CRPPA: variants seen among roughly 807,000 people sequenced by gnomAD.
CRPPA encodes D-ribitol-5-phosphate cytidylyltransferase.
In CRPPA, 43 loss-of-function variants were observed where a neutral mutation model predicts 52.0. The ratio of observed to expected loss-of-function variants is 0.83; its 90% CI spans 0.65 to 1.07. The LOEUF is 1.07. Ranked by LOEUF, CRPPA falls within the 50% of genes least tolerant of loss-of-function variation. The probability of loss-of-function intolerance (pLI) is 0.00; values close to 1 mark genes in which losing one functional copy is unlikely to be tolerated. For missense variants in CRPPA, 629 were observed against 551.7 expected, an observed-to-expected ratio of 1.14 and a Z score of -1.40; for synonymous variants, 250 against 203.5, an observed-to-expected ratio of 1.23 and a Z score of -1.94.
At chr7:16,094,448 A>T (rs1781895975) in intron 9 of CRPPA, among the ~76,000 whole-genome samples, 1 of 152,112 alleles carries the variant, frequency 6.6e-6, no homozygotes, top group Non-Finnish European at 1.5e-5. Context: ...ATGCAAACCC[A>T]ATGTATCTTA....
chr7:16,095,399 AT>A lies in CRPPA; in HGVS notation c.1252-3601del, dbSNP rs5882557. Among the ~76,000 whole-genome samples the A allele has an allele frequency of 1.1e-4, 17 of 152,076 alleles. 1 individual carries two copies. In the South Asian group the frequency reaches 2.5e-3, roughly 22 times the overall value. On this transcript the variant is annotated intron_variant, in intron 9 of 9. Coordinates refer to ENST00000407010, the MANE Select transcript of CRPPA (RefSeq NM_001101426.4). ...TTTTTTCATCTAAAAATGGGATAAC[AT>A]TTTTTGTGGGAACTTAGATAAGACA...
Position 16,301,448 on chromosome 7 carries a change from G to A in CRPPA, c.808C>T (p.Leu270Phe), listed in dbSNP as rs200334999. 147 of 1,612,642 alleles carry A rather than the reference G, an allele frequency of 9.1e-5. No individual in the cohort carries two copies. In the African/African-American group the frequency reaches 1.7e-3, roughly 18 times the overall value. The change falls in exon 5 of 10, where the codon CTC becomes TTC. Residue 270 changes from leucine (L) to phenylalanine (F), a missense_variant. Transcript: ENST00000407010. ...DLWKVTYKRD[L>F]YAAESIIKER... ...TTAATAATCGATTCAGCCGCATAGA[G>A]ATCTCGTTTGTAGGTCACCTAAAGG...
intron 9 of CRPPA, among the ~76,000 whole-genome samples, chr7:16,154,391 G>A (rs1047192222): frequency 6.6e-6 from 1 of 151,910 alleles, no homozygotes; most frequent in Admixed American, 6.6e-5. Context: ...TCCCCTCTCT[G>A]TGTCCATGTG....
chr7:16,096,560 TA>T (rs556598917), intron 9 of CRPPA, among the ~76,000 whole-genome samples: 261 of 150,754 alleles, frequency 1.7e-3, no homozygotes, highest in Non-Finnish European at 3.0e-3. Context: ...TTGAAGATAG[TA>T]AAAAAAAAAT....
intron 5 of CRPPA, among the ~76,000 whole-genome samples, chr7:16,278,800 T>C (rs1433234807): frequency 1.3e-5 from 2 of 152,328 alleles, no homozygotes; most frequent in Admixed American, 6.5e-5. Context: ...GATGGTCCGA[T>C]TTAAAATTTA....
intron 3 of CRPPA, among the ~76,000 whole-genome samples, chr7:16,366,663 T>C (rs1224956162): frequency 6.6e-6 from 1 of 151,804 alleles, no homozygotes; most frequent in Non-Finnish European, 1.5e-5. Context: ...CCCAGCCAAG[T>C]CACCAGATCA....
At chr7:16,274,196 C>G (rs1481060332) in intron 6 of CRPPA, among the ~76,000 whole-genome samples, 1 of 152,064 alleles carries the variant, frequency 6.6e-6, no homozygotes, top group African/African-American at 2.4e-5. Context: ...ACTACAGATG[C>G]CCACCACCAC....
At chr7:16,127,243 G>A (rs1782598477) in intron 9 of CRPPA, among the ~76,000 whole-genome samples, 1 of 152,042 alleles carries the variant, frequency 6.6e-6, no homozygotes, top group Non-Finnish European at 1.5e-5. Flanking sequence ...GGAAAAGAGG[G>A]ATGAGAATCA....
At chr7:16,406,005 A>G in intron 2 of CRPPA, 56 bp downstream of exon 2, 2 of 1,492,042 alleles carry the variant, frequency 1.3e-6, no homozygotes, top group South Asian at 2.5e-5. Flanking sequence ...AATTCAGCAA[A>G]TGAACCACAC....
chr7:16,233,180 A>G (rs1782853817), intron 8 of CRPPA, among the ~76,000 whole-genome samples: 1 of 152,138 alleles, frequency 6.6e-6, no homozygotes, highest in Non-Finnish European at 1.5e-5. Flanking sequence ...AATTAAACAG[A>G]CCACCAGTGA....
At chr7:16,182,732 A>G (rs1781435427) in intron 9 of CRPPA, among the ~76,000 whole-genome samples, 1 of 152,148 alleles carries the variant, frequency 6.6e-6, no homozygotes. Flanking sequence ...CCCCACAGCA[A>G]TTTTAACCAA....
intron 3 of CRPPA, among the ~76,000 whole-genome samples, chr7:16,371,687 C>T (rs1786752900): frequency 6.6e-6 from 1 of 151,364 alleles, no homozygotes; most frequent in Non-Finnish European, 1.5e-5. Flanking sequence ...CACTAGATCC[C>T]AAGCAATGGA....
chr7:16,240,854 T>A (rs888753483), intron 8 of CRPPA, among the ~76,000 whole-genome samples: 1 of 152,166 alleles, frequency 6.6e-6, no homozygotes, highest in African/African-American at 2.4e-5. Flanking sequence ...TCGATTTTTA[T>A]AACAAATTCA....
intron 9 of CRPPA, among the ~76,000 whole-genome samples, chr7:16,111,435 T>C (rs1253858002): frequency 5.3e-5 from 8 of 152,192 alleles, no homozygotes; most frequent in African/African-American, 1.9e-4. Context: ...TACCAAAAGA[T>C]TTAAAATCAG....
At chr7:16,361,527 G>A (rs945780827) in intron 3 of CRPPA, among the ~76,000 whole-genome samples, 10 of 152,172 alleles carry the variant, frequency 6.6e-5, no homozygotes, top group African/African-American at 2.4e-4. Flanking sequence ...ATGTTACTCA[G>A]CCAGCCCAAA....
At chr7:16,402,117 TA>T (rs1319751012) in intron 2 of CRPPA, among the ~76,000 whole-genome samples, 1 of 152,142 alleles carries the variant, frequency 6.6e-6, no homozygotes, top group African/African-American at 2.4e-5. Context: ...GTCCCTCATT[TA>T]AAAGGTAGCT....
At chr7:16,228,499 T>C (rs1307169725) in intron 8 of CRPPA, among the ~76,000 whole-genome samples, 1 of 151,896 alleles carries the variant, frequency 6.6e-6, no homozygotes, top group Non-Finnish European at 1.5e-5. Context: ...GTATGTTAGG[T>C]TTCCATTTGT....
chr7:16,120,864 A>C (rs1003930593), intron 9 of CRPPA, among the ~76,000 whole-genome samples: 7 of 152,168 alleles, frequency 4.6e-5, no homozygotes, highest in African/African-American at 1.4e-4. Flanking sequence ...AAGGATTTAA[A>C]AAATACATTA....
At chr7:16,412,234 C>T (rs1398228907) in intron 1 of CRPPA, among the ~76,000 whole-genome samples, 1 of 152,088 alleles carries the variant, frequency 6.6e-6, no homozygotes, top group Non-Finnish European at 1.5e-5. Flanking sequence ...ATTTCGGGTC[C>T]CATTAGAGTG....
Sources: gnomAD v4.1 joint callset for allele counts (sites outside exome capture counted in the v4.1 genomes callset) on GRCh38, gnomAD v4.1.1 for gene constraint, MANE v1.5 for transcripts, NCBI Gene and HGNC (gene_info 2026-07-23, HGNC 2026-07-21) for gene names.